The following BCAS3 variants were observed in gnomAD, a reference collection of about 807,000 sequenced individuals.
BCAS3 encodes the protein BCAS4/BCAS3 fusion.
BCAS3 carries 53 observed loss-of-function variants against 116.1 expected under a neutral mutation model. The ratio of observed to expected loss-of-function variants is 0.46; its 90% CI spans 0.37 to 0.57. BCAS3 has a LOEUF of 0.57. Among genes scored for constraint, BCAS3 ranks in the 20% least tolerant of loss-of-function variants. The pLI, the probability that BCAS3 is intolerant of heterozygous loss-of-function variation, is 0.00. For missense variants in BCAS3, 917 were observed against 1,165.4 expected, an observed-to-expected ratio of 0.79 and a Z score of 3.10; for synonymous variants, 391 against 408.2, an observed-to-expected ratio of 0.96 and a Z score of 0.51.
At chr17:60,857,066 A>G (rs1201487896) in intron 7 of BCAS3, among the ~76,000 whole-genome samples, 1 of 152,212 alleles carries the variant, frequency 6.6e-6, no homozygotes, top group Non-Finnish European at 1.5e-5. Context: ...ATTTCAACAC[A>G]CATGCTCAGT....
At chr17:61,218,083 A>T (rs995283608) in intron 22 of BCAS3, among the ~76,000 whole-genome samples, 5 of 152,184 alleles carry the variant, frequency 3.3e-5, no homozygotes, top group Non-Finnish European at 4.4e-5. Context: ...CCAGAACAAG[A>T]AGAACTGAGA....
intron 13 of BCAS3, among the ~76,000 whole-genome samples, chr17:60,944,288 T>C (rs2060370818): frequency 6.6e-6 from 1 of 152,042 alleles, no homozygotes. Flanking sequence ...ATCATTAATG[T>C]CTCTACAGAT....
intron 7 of BCAS3, among the ~76,000 whole-genome samples, chr17:60,828,833 G>C (rs1025160053): frequency 6.6e-6 from 1 of 152,014 alleles, no homozygotes; most frequent in African/African-American, 2.4e-5. Context: ...CCAGGACATC[G>C]TTTCTTAACT....
rs753710734 is a variant in BCAS3, at chr17:60,989,977, G to A, written c.1228G>A (p.Asp410Asn). ...TTTCTTATCTCATTTCTAGGTACAG[G>A]ACATCTGCTTCAGCCATGACTGTCG... is the stretch of plus-strand genomic sequence containing the variant. ...HRGETEAKVQ[D>N]ICFSHDCRWV... The change falls in exon 15 of 24, where the codon GAC (aspartate) becomes AAC (asparagine). Residue 410 changes from aspartate to asparagine, a missense_variant. Physicochemically the swap from Asp to Asn is conservative, Grantham distance 23. Around this residue, in one of 3 missense-constraint regions of BCAS3, gnomAD observed 807 missense variants for 1,026.0 expected, o/e 0.79. Transcript: ENST00000407086. 5.0e-6 allele frequency: 8 copies of A among 1,614,034 alleles called. No individual in the cohort carries two copies. In the East Asian group the frequency reaches 1.8e-4, roughly 36 times the overall value.
chr17:61,063,426 C>T lies in BCAS3; in HGVS notation c.2030-11494C>T, dbSNP rs1040313057. Among the ~76,000 whole-genome samples, 1 of 151,930 alleles carries T rather than the reference C, an allele frequency of 6.6e-6. No individual in the cohort carries two copies. The highest frequency in any genetic ancestry group is 1.9e-4 in the East Asian group (1 of 5,172). On this transcript the variant is annotated intron_variant, in intron 19 of 23. Coordinates refer to ENST00000407086, the MANE Select transcript of BCAS3 (RefSeq NM_017679.5). This position sits in a 1 kb window ranked among gnomAD's most constrained non-coding sequence, Gnocchi z 5.3. ...CTGGGACTACAGGCACCTGCCACCA[C>T]GCTTGCTAATTTTTTATATTTTTAG...
intron 7 of BCAS3, among the ~76,000 whole-genome samples, chr17:60,819,513 G>T (rs1018967469): frequency 6.6e-6 from 1 of 152,134 alleles, no homozygotes; most frequent in Admixed American, 6.5e-5. Flanking sequence ...TACCAAAATG[G>T]TTATTTGCAG....
chr17:61,046,200 G>A (rs1651142569), intron 19 of BCAS3, among the ~76,000 whole-genome samples: 1 of 131,244 alleles, frequency 7.6e-6, no homozygotes, highest in Non-Finnish European at 1.6e-5. Context: ...CCATTAAGCG[G>A]ACTTTATTAC....
At chr17:60,853,967 C>T (rs1029039825) in intron 7 of BCAS3, among the ~76,000 whole-genome samples, 3 of 151,810 alleles carry the variant, frequency 2.0e-5, no homozygotes, top group Non-Finnish European at 2.9e-5. Context: ...TTGTTACATA[C>T]GTATACACAC....
At chr17:61,127,829 A>G (rs2076125545) in intron 22 of BCAS3, among the ~76,000 whole-genome samples, 1 of 151,288 alleles carries the variant, frequency 6.6e-6, no homozygotes, top group South Asian at 2.1e-4. Flanking sequence ...AGGGGGCTAC[A>G]AAGTTAGTTG....
chr17:61,089,768 G>A (rs2073397898), intron 22 of BCAS3, among the ~76,000 whole-genome samples: 1 of 151,606 alleles, frequency 6.6e-6, no homozygotes, highest in African/African-American at 2.4e-5. Flanking sequence ...CTGACCTCAG[G>A]TGATCCACCC....
chr17:60,946,680 C>G (rs1044082606), intron 13 of BCAS3, among the ~76,000 whole-genome samples: 2 of 152,044 alleles, frequency 1.3e-5, no homozygotes, highest in Non-Finnish European at 2.9e-5. Context: ...GAGGCCACAA[C>G]AGAAGGATTG....
In BCAS3 at chr17:61,198,592, A is replaced by T. The variant is rs1394148802; in HGVS notation, c.2425+114028A>T. ...TTTGCAAGAAGGTGAAAGTAGACAAACATGTTTTTGACACATTGTTATTGC... is the reference window on the plus strand; with the variant it reads ...TTTGCAAGAAGGTGAAAGTAGACAATCATGTTTTTGACACATTGTTATTGC... On this transcript the variant is annotated intron_variant, in intron 22 of 23. Coordinates refer to ENST00000407086, the MANE Select transcript of BCAS3 (RefSeq NM_017679.5). This position sits in a 1 kb window ranked among gnomAD's most constrained non-coding sequence, Gnocchi z 5.0. 2.0e-5 allele frequency among the ~76,000 whole-genome samples: 3 copies of T among 152,216 alleles called. No individual in the cohort carries two copies. The highest frequency in any genetic ancestry group is 7.2e-5 in the African/African-American group (3 of 41,438).
intron 9 of BCAS3, among the ~76,000 whole-genome samples, 176 bp from the exon 10 acceptor site, chr17:60,889,519 G>A (rs766774123): frequency 1.3e-5 from 2 of 152,084 alleles, no homozygotes; most frequent in African/African-American, 4.8e-5. Context: ...CTAAATAGAG[G>A]GGGAAAAATG....
intron 7 of BCAS3, among the ~76,000 whole-genome samples, chr17:60,823,676 T>C (rs2050146001): frequency 6.6e-6 from 1 of 152,198 alleles, no homozygotes; most frequent in South Asian, 2.1e-4. Context: ...ACTGGTTTTT[T>C]GTTCTAGGAA....
At chr17:60,728,488 T>C (rs1423304207) in intron 5 of BCAS3, among the ~76,000 whole-genome samples, 1 of 152,146 alleles carries the variant, frequency 6.6e-6, no homozygotes, top group Non-Finnish European at 1.5e-5. Context: ...TTTTATTTTA[T>C]TTTATTTTTG....
rs1401855716 is a variant in BCAS3, at chr17:60,749,592, T to C, written c.403+2313T>C. ...TTAAATCCCTTGTACTGGTTAATTTTTTAAAATTAATTTCTTTCTTATTCT... is the reference window on the plus strand; with the variant it reads ...TTAAATCCCTTGTACTGGTTAATTTCTTAAAATTAATTTCTTTCTTATTCT... On this transcript the variant is annotated intron_variant, in intron 6 of 23. Transcript: ENST00000407086. 1.3e-5 allele frequency among the ~76,000 whole-genome samples: 2 copies of C among 152,240 alleles called. 1 individual carries two copies. The highest frequency in any genetic ancestry group is 1.3e-4 in the Admixed American group (2 of 15,290).
At chr17:60,835,878 A>G (rs1042654615) in intron 7 of BCAS3, among the ~76,000 whole-genome samples, 3 of 152,172 alleles carry the variant, frequency 2.0e-5, no homozygotes, top group African/African-American at 7.2e-5. Flanking sequence ...TAGAATGTCA[A>G]ACATTTTAGG....
At chr17:60,999,800 C>T (rs2064113976) in intron 15 of BCAS3, among the ~76,000 whole-genome samples, 1 of 152,020 alleles carries the variant, frequency 6.6e-6, no homozygotes, top group South Asian at 2.1e-4. Flanking sequence ...AATGCTTTTC[C>T]ATTTGCTGGT....
Position 61,084,820 on chromosome 17 carries a change from C to T in BCAS3, c.2425+256C>T, listed in dbSNP as rs1333677409. On this transcript the variant is annotated intron_variant, in intron 22 of 23. Transcript: ENST00000407086. This position sits in a 1 kb window ranked among gnomAD's most constrained non-coding sequence, Gnocchi z 5.5. ...GTAATGAACATAGTATTGAAGGCTA[C>T]AGGGTTGATGACTGTTTTGCCTTTG... 1.3e-5 allele frequency among the ~76,000 whole-genome samples: 2 copies of T among 152,174 alleles called. No homozygotes were observed. Among genetic ancestry groups the T allele is most frequent in the African/African-American group, 2.4e-5 (1 of 41,432 alleles).
Sources: gnomAD v4.1 joint callset for allele counts (sites outside exome capture counted in the v4.1 genomes callset) on GRCh38, gnomAD v4.1.1 for gene constraint, gnomAD v4.1.1 regional missense constraint, Gnocchi (gnomAD v3.1) non-coding constraint, MANE v1.5 for transcripts, NCBI Gene and HGNC (gene_info 2026-07-23, HGNC 2026-07-21) for gene names.